The following RIOX2 variants were observed in gnomAD, a reference collection of about 807,000 sequenced individuals.
RIOX2 encodes 60S ribosomal protein L27a histidine hydroxylase.
In RIOX2, 43 loss-of-function variants were observed where a neutral mutation model predicts 51.2. The ratio of observed to expected loss-of-function variants is 0.84; its 90% CI spans 0.66 to 1.08. The LOEUF (loss-of-function observed/expected upper bound fraction) is 1.08, where lower values mean the gene tolerates loss of function less well. Among genes scored for constraint, RIOX2 ranks in the 50% least tolerant of loss-of-function variants. The pLI is 0.00. For missense variants in RIOX2, 566 were observed against 561.7 expected (o/e 1.01, Z -0.08); for synonymous variants, 226 against 218.5 (o/e 1.03, Z -0.30).
intron 4 of RIOX2, among the ~76,000 whole-genome samples, chr3:97,958,240 G>T (rs1705528629): frequency 1.3e-5 from 2 of 152,172 alleles, no homozygotes. Context: ...ATAAGTATAT[G>T]CAAATGTGTC....
chr3:97,954,474 G>T lies in RIOX2; in HGVS notation c.703C>A (p.Pro235Thr). The change falls in exon 5 of 10, where the codon CCC becomes ACC. Residue 235 changes from proline to threonine, a missense_variant. By Grantham distance (38) the Pro-to-Thr change is conservative. Coordinates refer to ENST00000394198, the MANE Select transcript of RIOX2 (RefSeq NM_153182.4). The part of the protein sequence containing the change: ...MLKPGDLLYF[P>T]RGTIHQADTP... Reference sequence around the variant, plus strand: ...TCCGCTTGATGAATGGTTCCTCTGGGAAAGTACAACAAATCACCCGGCTAA... The same window carrying T: ...TCCGCTTGATGAATGGTTCCTCTGGTAAAGTACAACAAATCACCCGGCTAA... 6.2e-7 allele frequency: 1 copy of T among 1,614,062 alleles called. No homozygotes were observed.
chr3:97,969,233 A>C (rs937772547), intron 1 of RIOX2, among the ~76,000 whole-genome samples: 1 of 152,192 alleles, frequency 6.6e-6, no homozygotes, highest in Non-Finnish European at 1.5e-5. Flanking sequence ...GAAAAAAAAA[A>C]TAAACTTTAG....
rs1159985029 is a variant in RIOX2, at chr3:97,964,696, TAAAAAAAAAAA to T, written c.432+2455_432+2465del. Among the ~76,000 whole-genome samples, 254 of 60,216 alleles carry T rather than the reference TAAAAAAAAAAA, an allele frequency of 4.2e-3. 2 individuals are homozygous for T. The highest frequency in any genetic ancestry group is 0.017 in the African/African-American group (242 of 14,632). The allele number at this position is 60,216 out of a possible 152,430, so 39.5% of individuals were successfully genotyped here. A position where few individuals can be genotyped will look rare whatever the true frequency, so the allele number is the denominator to read the frequency against. Reference sequence around the variant, plus strand: ...TGGGTGACAGGGCAAGACTCTGTCTTAAAAAAAAAAAAAAAAAAAAAAAAAGAAGGAAAGAA... The same window carrying T: ...TGGGTGACAGGGCAAGACTCTGTCTTAAAAAAAAAAAAAAGAAGGAAAGAA... On this transcript the variant is annotated intron_variant, in intron 2 of 9. Coordinates refer to ENST00000394198, the MANE Select transcript of RIOX2 (RefSeq NM_153182.4).
intron 2 of RIOX2, 112 bp from the exon 3 acceptor site, chr3:97,961,820 T>C: frequency 8.7e-7 from 1 of 1,144,486 alleles, no homozygotes. Context: ...TGCACAACTA[T>C]TATACACCAG....
chr3:97,949,473 C>T (rs1447365845), intron 7 of RIOX2, among the ~76,000 whole-genome samples: 1 of 152,142 alleles, frequency 6.6e-6, no homozygotes, highest in Non-Finnish European at 1.5e-5. Context: ...CTTTAAGCAA[C>T]ACAAATAAAG....
chr3:97,962,994 A>T (rs922687453), intron 2 of RIOX2, among the ~76,000 whole-genome samples: 1 of 152,252 alleles, frequency 6.6e-6, no homozygotes, highest in East Asian at 1.9e-4. Context: ...ATGACAACAT[A>T]TTTAAATACT....
At chr3:97,954,066 AAGAG>A (rs1046228803) in intron 5 of RIOX2, 21 of 228,940 alleles carry the variant, frequency 9.2e-5, no homozygotes, top group South Asian at 2.4e-4. Flanking sequence ...ATTAAAAAAA[AAGAG>A]AGAGAGTATG....
chr3:97,950,641 C>A, intron 6 of RIOX2, 145 bp downstream of exon 6: 1 of 637,960 alleles, frequency 1.6e-6, no homozygotes. Context: ...TCCACTCATT[C>A]TGCAAGTCAC....
chr3:97,960,447 A>G (rs964282819), intron 3 of RIOX2, among the ~76,000 whole-genome samples: 1 of 152,214 alleles, frequency 6.6e-6, no homozygotes, highest in Non-Finnish European at 1.5e-5. Context: ...GTGTTAACCA[A>G]TTTATGCTAT....
chr3:97,954,054 A>G (rs1316743596), intron 5 of RIOX2: 1 of 215,624 alleles, frequency 4.6e-6, no homozygotes, highest in Non-Finnish European at 9.5e-6. Flanking sequence ...ATATTTTATC[A>G]TATTAAAAAA....
intron 2 of RIOX2, among the ~76,000 whole-genome samples, chr3:97,964,901 T>G (rs1309279565): frequency 1.3e-5 from 2 of 151,878 alleles, no homozygotes; most frequent in East Asian, 3.9e-4. Flanking sequence ...TGAAAGCAAG[T>G]CCAAACAACT....
chr3:97,949,833 G>T lies in RIOX2; in HGVS notation c.1060+11C>A. ...GCCTCTGACCACCCAGAAGAAAACA[G>T]CAAGCTCCACCTGGTGTTGACAGCT... On this transcript the variant is annotated intron_variant, in intron 7 of 9. Coordinates refer to ENST00000394198, the MANE Select transcript of RIOX2 (RefSeq NM_153182.4). 6.2e-7 allele frequency: 1 copy of T among 1,611,670 alleles called. No individual in the cohort carries two copies. Among genetic ancestry groups the T allele is most frequent in the Non-Finnish European group, 8.5e-7 (1 of 1,178,904 alleles).
In RIOX2 at chr3:97,945,191, A is replaced by T. The variant is rs2040325377; in HGVS notation, c.1391T>A (p.Val464Glu). 6.2e-7 allele frequency: 1 copy of T among 1,609,084 alleles called. No homozygotes were observed. The highest frequency in any genetic ancestry group is 2.2e-5 in the East Asian group (1 of 44,782). The change falls in exon 10 of 10, where the codon GTA becomes GAA. Residue 464 changes from valine (V) to glutamate (E), a missense_variant. Val to Glu is a moderately radical substitution (Grantham distance 121). Transcript: ENST00000394198. ...LSLWTECLIQVV is the reference protein window; with the variant it reads ...LSLWTECLIQEV ...TTTGATTCTGCAAAGGCACTAGACT[A>T]CTTGAATTAAACATTCTGTCCAGAG...
At position 97,964,259 on chromosome 3, in the gene RIOX2, T is replaced by C. The variant is rs1221201773; in HGVS notation, c.433-2551A>G. 3.9e-5 allele frequency among the ~76,000 whole-genome samples: 6 copies of C among 152,044 alleles called. No individual in the cohort carries two copies. The East Asian group carries it at 5.8e-4, about 15-fold the overall frequency. On this transcript the variant is annotated intron_variant, in intron 2 of 9. Coordinates refer to ENST00000394198, the MANE Select transcript of RIOX2 (RefSeq NM_153182.4). ...CTAAAGAAAGGCAAAAGCAAACATA[T>C]AAAAAGCCCTACTAAATTTCAATAC...
In RIOX2 at chr3:97,967,464, T is replaced by A. The variant is rs1257077957; in HGVS notation, c.130A>T (p.Ser44Cys). The change falls in exon 2 of 10, where the codon AGT becomes TGT. Residue 44 changes from serine to cysteine, a missense_variant. Coordinates refer to ENST00000394198, the MANE Select transcript of RIOX2 (RefSeq NM_153182.4). ...TCTGTCTTGATGGGCGAGATTAAAC[T>A]TTCAAAGAGACTACTGGGACTGTCA... ...NFDSPSSLFE[S>C]LISPIKTETF... 1 of 1,614,028 alleles carries A rather than the reference T, an allele frequency of 6.2e-7. No homozygotes were observed. Among genetic ancestry groups the A allele is most frequent in the East Asian group, 2.2e-5 (1 of 44,888 alleles).
At chr3:97,962,363 C>A (rs1209766835) in intron 2 of RIOX2, among the ~76,000 whole-genome samples, 1 of 120,154 alleles carries the variant, frequency 8.3e-6, no homozygotes, top group African/African-American at 3.0e-5. Flanking sequence ...AAGACCCCCC[C>A]CCCCCCCCCC....
Position 97,967,590 on chromosome 3 carries a change from G to T in RIOX2, c.4C>A (p.Pro2Thr). 1 of 1,575,882 alleles carries T rather than the reference G, an allele frequency of 6.3e-7. No homozygotes were observed. The change falls in exon 2 of 10, where the codon CCA becomes ACA. Residue 2 changes from proline (P) to threonine (T), a missense_variant. Coordinates refer to ENST00000394198, the MANE Select transcript of RIOX2 (RefSeq NM_153182.4). ...CTCCCTGTAGGCTTTGCTTTCTTTG[G>T]CATCGTTCTGTCTTCAAGACAAAGC... is the stretch of plus-strand genomic sequence containing the variant. Reference protein sequence around the residue: MPKKAKPTGSGK... With the variant: MTKKAKPTGSGK...
At chr3:97,945,737 C>T in intron 9 of RIOX2, 61 bp downstream of exon 9, 4 of 1,279,400 alleles carry the variant, frequency 3.1e-6, no homozygotes, top group Non-Finnish European at 4.5e-6. Flanking sequence ...CAAAAATAAT[C>T]AATTCTTCCC....
Position 97,942,158 on chromosome 3 carries a change from A to AT in RIOX2, c.*3025dup. On this transcript the variant is annotated 3_prime_UTR_variant, in exon 10 of 10. Transcript: ENST00000394198. ...GCTTACTGAAATTATACTATATAGT[A>AT]TTTTTTTAGATAAGACACACACACA... 1.4e-6 allele frequency: 1 copy of AT among 723,190 alleles called. No individual in the cohort carries two copies. The highest frequency in any genetic ancestry group is 2.1e-6 in the Non-Finnish European group (1 of 474,826). 44.8% of individuals were successfully genotyped at this position (723,190 alleles called of 1,614,324 possible).
Sources: allele counts gnomAD v4.1 joint callset (sites outside exome capture counted in the v4.1 genomes callset), GRCh38; gene constraint gnomAD v4.1.1; transcripts MANE v1.5; gene names NCBI Gene and HGNC (gene_info 2026-07-23, HGNC 2026-07-21).